PCNX2: variants seen among roughly 807,000 people sequenced by gnomAD.
PCNX2 encodes pecanex 2.
Under a neutral mutation model 223.8 loss-of-function variants are expected in PCNX2, and 168 were observed. The observed-to-expected ratio is 0.75, with a 90% CI of 0.66 to 0.85. The LOEUF (loss-of-function observed/expected upper bound fraction) is 0.85, where lower values mean the gene tolerates loss of function less well. PCNX2 is among the 40% of genes least tolerant of loss of function. PCNX2 has a pLI of 0.00. For missense variants in PCNX2, 2,507 were observed against 2,675.5 expected, an observed-to-expected ratio of 0.94 and a Z score of 1.39; for synonymous variants, 1,006 against 1,052.6, an observed-to-expected ratio of 0.96 and a Z score of 0.86.
At chr1:233,221,320 T>C (rs922970416) in intron 10 of PCNX2, among the ~76,000 whole-genome samples, 2 of 152,198 alleles carry the variant, frequency 1.3e-5, no homozygotes, top group Non-Finnish European at 2.9e-5. Context: ...ATGAAATTCA[T>C]GATCTCATAA....
intron 19 of PCNX2, among the ~76,000 whole-genome samples, chr1:233,155,106 T>C (rs562446789): frequency 1.3e-5 from 2 of 148,884 alleles, no homozygotes; most frequent in East Asian, 2.0e-4. Flanking sequence ...AAACTCGTTA[T>C]GGGGCTCCAG....
intron 24 of PCNX2, among the ~76,000 whole-genome samples, chr1:233,056,159 A>G (rs1020745165): frequency 4.6e-5 from 7 of 152,100 alleles, no homozygotes; most frequent in Admixed American, 4.6e-4. Flanking sequence ...CACTGTATTC[A>G]TTTTCTCTAA....
the PCNX2 span, among the ~76,000 whole-genome samples, chr1:233,303,257 T>C: frequency 1.3e-5 from 2 of 152,272 alleles, no homozygotes; most frequent in African/African-American, 4.8e-5. Flanking sequence ...AAATCATATA[T>C]AGTCCCAGCA....
At chr1:232,999,467 T>C in intron 30 of PCNX2, 88 bp from the exon 31 acceptor site, 7 of 1,390,626 alleles carry the variant, frequency 5.0e-6, no homozygotes, top group Non-Finnish European at 6.7e-6. Context: ...TTTTTTTTTT[T>C]TTTGAGATAG....
intron 15 of PCNX2, among the ~76,000 whole-genome samples, chr1:233,187,202 A>G (rs1030104459): frequency 2.6e-5 from 4 of 151,038 alleles, no homozygotes; most frequent in African/African-American, 9.7e-5. Context: ...ATCGAAGGTA[A>G]AAGTATTGCC....
At chr1:233,289,994 A>G (rs1000260576) in intron 1 of PCNX2, among the ~76,000 whole-genome samples, 1 of 152,124 alleles carries the variant, frequency 6.6e-6, no homozygotes, top group Admixed American at 6.5e-5. Context: ...ATATGTTAAA[A>G]GTAGGAGAGG....
At chr1:233,034,173 C>G (rs993379204) in intron 25 of PCNX2, among the ~76,000 whole-genome samples, 4 of 152,188 alleles carry the variant, frequency 2.6e-5, no homozygotes, top group African/African-American at 9.6e-5. Context: ...GATCGTGCCG[C>G]TGCCCTCCAG....
intron 10 of PCNX2, among the ~76,000 whole-genome samples, chr1:233,225,014 C>A (rs1343980823): frequency 6.7e-6 from 1 of 148,532 alleles, no homozygotes; most frequent in Non-Finnish European, 1.5e-5. Flanking sequence ...GGCTTAAAAC[C>A]TAGATGACGA....
intron 33 of PCNX2, chr1:232,984,749 G>C (rs1214404399): frequency 5.5e-6 from 2 of 365,816 alleles, no homozygotes; most frequent in Non-Finnish European, 4.9e-6. Context: ...GGGGGGAAGG[G>C]GCATTTGTGC....
At chr1:233,294,092 C>A in intron 1 of PCNX2, 1 of 660,930 alleles carries the variant, frequency 1.5e-6, no homozygotes, top group Non-Finnish European at 1.9e-6. Context: ...ATGATCACAT[C>A]CGTTTTAATG....
intron 28 of PCNX2, among the ~76,000 whole-genome samples, chr1:233,007,931 A>C (rs1359274003): frequency 1.3e-5 from 2 of 152,052 alleles, no homozygotes; most frequent in Non-Finnish European, 2.9e-5. Flanking sequence ...CACCCACCTC[A>C]GCCTCCCAAA....
At chr1:233,157,853 G>A (rs116194851) in intron 19 of PCNX2, among the ~76,000 whole-genome samples, 1,543 of 152,152 alleles carry the variant, frequency 0.01, 24 homozygotes, top group African/African-American at 0.035. Context: ...TGCCTAATTT[G>A]TCTAACCTGT....
intron 22 of PCNX2, among the ~76,000 whole-genome samples, chr1:233,093,040 CTG>C (rs1673965812): frequency 6.6e-6 from 1 of 152,166 alleles, no homozygotes; most frequent in African/African-American, 2.4e-5. Context: ...ACCTCATGAT[CTG>C]CCCTCCTTGG....
chr1:233,183,322 G>C (rs1679909195), intron 15 of PCNX2, among the ~76,000 whole-genome samples: 1 of 152,082 alleles, frequency 6.6e-6, no homozygotes, highest in Admixed American at 6.5e-5. Flanking sequence ...TCCCCAACAA[G>C]GGGCAACCTT....
chr1:233,315,301 G>T, the PCNX2 span, among the ~76,000 whole-genome samples: 1 of 152,148 alleles, frequency 6.6e-6, no homozygotes, highest in African/African-American at 2.4e-5. Flanking sequence ...AAAGAAACCG[G>T]AACTACACAG....
intron 27 of PCNX2, chr1:233,016,684 G>T: frequency 1.3e-6 from 1 of 787,080 alleles, no homozygotes; most frequent in Non-Finnish European, 1.5e-6. Flanking sequence ...AACTTCGCTG[G>T]CCCTGAGCAC....
At chr1:233,156,569 G>A (rs1678139120) in intron 19 of PCNX2, among the ~76,000 whole-genome samples, 1 of 152,222 alleles carries the variant, frequency 6.6e-6, no homozygotes, top group East Asian at 1.9e-4. Context: ...GGAGCAGTGG[G>A]GAATCTATTC....
intron 21 of PCNX2, among the ~76,000 whole-genome samples, chr1:233,122,073 T>TACACACACACACACACACACACAC (rs3033285): frequency 7.6e-6 from 1 of 131,406 alleles, no homozygotes; most frequent in Non-Finnish European, 1.7e-5. Context: ...AGTTAGAAAG[T>TACACACACACACACACACACACAC]ACACACACAC....
intron 25 of PCNX2, among the ~76,000 whole-genome samples, chr1:233,037,850 T>A (rs1441884870): frequency 6.6e-6 from 1 of 152,234 alleles, no homozygotes; most frequent in Non-Finnish European, 1.5e-5. Context: ...GCAAGCCAGA[T>A]TTTAAATGTG....
Sources: gnomAD v4.1 joint callset for allele counts (sites outside exome capture counted in the v4.1 genomes callset) on GRCh38, gnomAD v4.1.1 for gene constraint, MANE v1.5 for transcripts, NCBI Gene and HGNC (gene_info 2026-07-23, HGNC 2026-07-21) for gene names.